NWD1: variants seen among roughly 807,000 people sequenced by gnomAD.
NWD1 encodes the protein NACHT and WD repeat domain containing 1.
In NWD1, 129 loss-of-function variants were observed where a neutral mutation model predicts 135.1. That is an observed-to-expected ratio of 0.96 (90% CI 0.83 to 1.11). The LOEUF (loss-of-function observed/expected upper bound fraction) is 1.11, where lower values mean the gene tolerates loss of function less well. NWD1 is among the 50% of genes least tolerant of loss of function. The pLI is 0.00. For missense variants in NWD1, 1,740 were observed against 1,851.3 expected, an observed-to-expected ratio of 0.94 and a Z score of 1.10; for synonymous variants, 773 against 786.0, an observed-to-expected ratio of 0.98 and a Z score of 0.28.
intron 15 of NWD1, among the ~76,000 whole-genome samples, chr19:16,795,527 C>G (rs771670646): frequency 2.0e-5 from 3 of 151,784 alleles, no homozygotes; most frequent in Non-Finnish European, 4.4e-5. Context: ...AGCGATTCTC[C>G]TGCCTCAGTC....
At chr19:16,804,452 G>A (rs934426305) in intron 17 of NWD1, among the ~76,000 whole-genome samples, 8 of 151,956 alleles carry the variant, frequency 5.3e-5, no homozygotes, top group East Asian at 1.9e-4. Context: ...AAAAGGTATC[G>A]GGCTTGGTGG....
At chr19:16,756,900 G>A (rs146147636) in intron 6 of NWD1, among the ~76,000 whole-genome samples, 43 of 152,158 alleles carry the variant, frequency 2.8e-4, no homozygotes, top group Non-Finnish European at 5.4e-4. Flanking sequence ...ATTCTCATAA[G>A]AGCACAAACC....
At chr19:16,762,204 T>C in intron 8 of NWD1, 66 bp downstream of exon 8, 1 of 1,462,762 alleles carries the variant, frequency 6.8e-7, no homozygotes, top group Non-Finnish European at 9.4e-7. Context: ...GCTCACCTCC[T>C]TCCTTCCCCT....
At chr19:16,781,920 G>A (rs1304825339) in intron 12 of NWD1, among the ~76,000 whole-genome samples, 1 of 151,450 alleles carries the variant, frequency 6.6e-6, no homozygotes, top group East Asian at 2.0e-4. Flanking sequence ...GTGAAACCCT[G>A]TCTCTACTAA....
chr19:16,793,515 T>C (rs1489936650), intron 14 of NWD1, among the ~76,000 whole-genome samples: 3 of 151,122 alleles, frequency 2.0e-5, no homozygotes, highest in Admixed American at 6.6e-5. Flanking sequence ...CGTGACCCAC[T>C]GTACCTGGCC....
At chr19:16,787,994 CG>C (rs1568380971) in intron 12 of NWD1, among the ~76,000 whole-genome samples, 1 of 145,590 alleles carries the variant, frequency 6.9e-6, no homozygotes, top group African/African-American at 2.5e-5. Flanking sequence ...TGTGGGAGGC[CG>C]AGGTGGGTAG....
intron 11 of NWD1, among the ~76,000 whole-genome samples, chr19:16,773,625 C>T (rs1217011024): frequency 6.6e-6 from 1 of 152,154 alleles, no homozygotes; most frequent in Admixed American, 6.6e-5. Context: ...CAAGCTCATG[C>T]TAGTAATTCT....
chr19:16,764,404 T>TCC (rs1969142344), intron 9 of NWD1, among the ~76,000 whole-genome samples: 1 of 126,192 alleles, frequency 7.9e-6, no homozygotes, highest in South Asian at 2.7e-4. Context: ...TCCATCCATC[T>TCC]AACTATCCAT....
intron 17 of NWD1, among the ~76,000 whole-genome samples, chr19:16,806,341 A>G (rs1000479373): frequency 6.6e-6 from 1 of 152,090 alleles, no homozygotes; most frequent in African/African-American, 2.4e-5. Flanking sequence ...CTCAACTGGA[A>G]ATGGCAGGGG....
intron 5 of NWD1, chr19:16,745,106 A>G (rs1599452459): frequency 4.3e-6 from 2 of 465,080 alleles, no homozygotes; most frequent in East Asian, 6.7e-5. Context: ...TCATGGCTGA[A>G]GGCAAAGGAG....
chr19:16,786,355 A>G (rs112578262), intron 12 of NWD1, among the ~76,000 whole-genome samples: 116 of 151,866 alleles, frequency 7.6e-4, no homozygotes, highest in Middle Eastern at 3.4e-3. Flanking sequence ...AATTTCCACC[A>G]TCAATTTCAC....
At chr19:16,766,028 AAAAAAAAG>A (rs1969211887) in intron 10 of NWD1, among the ~76,000 whole-genome samples, 1 of 151,662 alleles carries the variant, frequency 6.6e-6, no homozygotes, top group African/African-American at 2.4e-5. Context: ...AAAAAAAAAA[AAAAAAAAG>A]AAAGAAAGAA....
At chr19:16,809,903 T>A (rs116945343) in intron 18 of NWD1, among the ~76,000 whole-genome samples, 2,990 of 152,182 alleles carry the variant, frequency 0.02, 35 homozygotes, top group Non-Finnish European at 0.029. Flanking sequence ...GAAAAACCTC[T>A]GCCAGGACCC....
At position 16,744,653 on chromosome 19, in the gene NWD1, G is replaced by A. The variant is rs1443306623; in HGVS notation, c.431G>A (p.Gly144Glu). 2.0e-6 allele frequency: 3 copies of A among 1,535,760 alleles called. No individual in the cohort carries two copies. Among genetic ancestry groups the A allele is most frequent in the African/African-American group, 1.4e-5 (1 of 72,978 alleles). ...ACCTTAACTTCTGTCCTACGCTCTG[G>A]AGCCCAGGAGGCCCGGAGGCTGGGG... ...EATLTSVLRS[G>E]AQEARRLGLI... is the part of the protein sequence containing the mutation. Residue 144 changes from glycine to glutamate, a missense_variant, in exon 5 of 19, where the codon GGA (glycine) becomes GAA (glutamate). By Grantham distance (98) the Gly-to-Glu change is moderately conservative (BLOSUM62 -2). Transcript: ENST00000524140.
At chr19:16,741,051 T>C (rs1409771468) in intron 4 of NWD1, among the ~76,000 whole-genome samples, 1 of 152,096 alleles carries the variant, frequency 6.6e-6, no homozygotes, top group Non-Finnish European at 1.5e-5. Flanking sequence ...TCCCAGCTAC[T>C]TGGGAGGCTG....
chr19:16,797,775 C>T lies in NWD1; in HGVS notation c.3348C>T (p.Gly1116=). 1 of 1,614,056 alleles carries T rather than the reference C, an allele frequency of 6.2e-7. No individual in the cohort carries two copies. Among genetic ancestry groups the T allele is most frequent in the Non-Finnish European group, 8.5e-7 (1 of 1,179,964 alleles). The part of the protein sequence containing the change: ...SVRIFLADSR[G]FRRFMAMDLE... The stretch of plus-strand genomic sequence containing the variant: ...GGATATTCTTGGCGGACTCGAGGGG[C>T]TTTCGCCGATTCATGGCCATGGATC... The change falls in exon 16 of 19, where the codon GGC becomes GGT. Residue 1116 remains glycine, a synonymous_variant. Transcript: ENST00000524140.
At chr19:16,739,190 GA>G (rs34576758) in intron 4 of NWD1, among the ~76,000 whole-genome samples, 13 of 144,396 alleles carry the variant, frequency 9.0e-5, no homozygotes, top group South Asian at 2.2e-4. Flanking sequence ...GAGTTTCCAA[GA>G]AAAAAAAAAA....
intron 1 of NWD1, among the ~76,000 whole-genome samples, chr19:16,722,667 C>T (rs1262096691): frequency 2.0e-5 from 3 of 151,902 alleles, no homozygotes; most frequent in South Asian, 2.1e-4. Flanking sequence ...TAGCTCTTGA[C>T]CTGCTCCTGG....
At position 16,791,340 on chromosome 19, in the gene NWD1, A is replaced by T. The variant is rs563300977; in HGVS notation, c.2941-10A>T. On this transcript the variant is annotated splice_polypyrimidine_tract_variant and intron_variant, in intron 13 of 18. Transcript: ENST00000524140. ...GCCAAGATGCTGCTTCCTCTTCATT[A>T]TTCTATTAGATCAATGCTTGGAATC... is the stretch of plus-strand genomic sequence containing the variant. The T allele has an allele frequency of 1.2e-6, 2 of 1,609,860 alleles. No homozygotes were observed. Among genetic ancestry groups the T allele is most frequent in the Admixed American group, 1.7e-5 (1 of 59,860 alleles).
Sources: allele counts gnomAD v4.1 joint callset (sites outside exome capture counted in the v4.1 genomes callset), GRCh38; gene constraint gnomAD v4.1.1; transcripts MANE v1.5; gene names NCBI Gene and HGNC (gene_info 2026-07-23, HGNC 2026-07-21).